The following CABLES1 variants were observed in gnomAD, a reference collection of about 807,000 sequenced individuals.
CABLES1 encodes the protein Cdk5 and Abl enzyme substrate 1.
In CABLES1, 36 loss-of-function variants were observed where a neutral mutation model predicts 57.8. The ratio of observed to expected loss-of-function variants is 0.62; its 90% CI spans 0.48 to 0.82. CABLES1 has a LOEUF of 0.82. Ranked by LOEUF, CABLES1 falls within the 40% of genes least tolerant of loss-of-function variation. The probability of loss-of-function intolerance (pLI) is 0.00; values close to 1 mark genes in which losing one functional copy is unlikely to be tolerated. For missense variants in CABLES1, 767 were observed against 836.6 expected (o/e 0.92, Z 1.03); for synonymous variants, 374 against 363.0 (o/e 1.03, Z -0.35).
upstream of CABLES1, chr18:23,135,420 A>G (rs2046810210): frequency 6.6e-6 from 1 of 152,100 alleles, no homozygotes; most frequent in Non-Finnish European, 1.5e-5. Context: ...TATTGCAAAG[A>G]GGGCTTTGGA....
At chr18:23,224,561 CTT>C (rs777471596) in intron 4 of CABLES1, among the ~76,000 whole-genome samples, 9 of 89,670 alleles carry the variant, frequency 1.0e-4, no homozygotes, top group Admixed American at 6.1e-4. Context: ...AGTCACAGAG[CTT>C]TTTTTTTTTT....
intron 1 of CABLES1, among the ~76,000 whole-genome samples, chr18:23,162,518 C>A (rs559708274): frequency 6.6e-6 from 1 of 152,288 alleles, no homozygotes; most frequent in Non-Finnish European, 1.5e-5. Flanking sequence ...AGGGTTGAAC[C>A]AAATATCCTT....
At chr18:23,249,816 T>G (rs141007584) in intron 7 of CABLES1, among the ~76,000 whole-genome samples, 2,007 of 152,100 alleles carry the variant, frequency 0.013, 36 homozygotes, top group African/African-American at 0.044. Flanking sequence ...AGAGCCCTTG[T>G]CTAGGGAGCT....
intron 4 of CABLES1, among the ~76,000 whole-genome samples, chr18:23,225,608 C>T (rs1348028706): frequency 6.6e-6 from 1 of 152,232 alleles, no homozygotes; most frequent in Non-Finnish European, 1.5e-5. Flanking sequence ...TAGCTGTAAA[C>T]ACTCTTCTCA....
At chr18:23,251,045 A>G (rs2164029) in intron 7 of CABLES1, among the ~76,000 whole-genome samples, 64,991 of 152,100 alleles carry the variant, frequency 0.43, 14,434 homozygotes, top group Admixed American at 0.54. Context: ...ACCAACTTCC[A>G]TTAGAGCTGT....
In CABLES1 at chr18:23,240,479, C is replaced by T. The variant is rs967310647; in HGVS notation, c.1446+3234C>T. ...TGAAACAGGCCCTGGCTCCAAAGAC[C>T]CTGGCTCCTTTGAGCCAGGTTGTGG... On this transcript the variant is annotated intron_variant, in intron 7 of 9. Transcript: ENST00000256925. Among the ~76,000 whole-genome samples, 4 of 152,344 alleles carry T rather than the reference C, an allele frequency of 2.6e-5. 1 individual carries two copies.
At chr18:23,158,777 G>T (rs2046982380) in intron 1 of CABLES1, among the ~76,000 whole-genome samples, 1 of 152,210 alleles carries the variant, frequency 6.6e-6, no homozygotes, top group Admixed American at 6.5e-5. Context: ...TTAAGGAACA[G>T]AAAATGAGAT....
At chr18:23,163,934 T>A (rs952112836) in intron 1 of CABLES1, among the ~76,000 whole-genome samples, 2 of 152,148 alleles carry the variant, frequency 1.3e-5, no homozygotes, top group South Asian at 2.1e-4. Context: ...GCCTATAAGG[T>A]AGGCCCTGTT....
At chr18:23,236,202 G>A in intron 6 of CABLES1, 151 bp downstream of exon 6, 1 of 821,740 alleles carries the variant, frequency 1.2e-6, no homozygotes. Context: ...AGCCATGCAG[G>A]CCCGCAATGA....
chr18:23,160,091 G>C (rs541364369), intron 1 of CABLES1, among the ~76,000 whole-genome samples: 1 of 150,020 alleles, frequency 6.7e-6, no homozygotes, highest in South Asian at 2.1e-4. Context: ...AGGTTGGAGT[G>C]CAGTGGCGCG....
intron 4 of CABLES1, among the ~76,000 whole-genome samples, chr18:23,230,744 A>G (rs1266288955): frequency 6.6e-6 from 1 of 152,146 alleles, no homozygotes; most frequent in East Asian, 1.9e-4. Flanking sequence ...ATTGAGACTC[A>G]CTTTTCACTG....
At position 23,214,004 on chromosome 18, in the gene CABLES1, C is replaced by G. The variant is rs1418587931; in HGVS notation, c.1038C>G (p.Ser346=). ...TAGTCCTTATCAGTGGCAGAAGATC[C>G]TTCTGTAGTATATTTTCAGTGCTGC... ...GRIVLISGRR[S]FCSIFSVLPY... The change falls in exon 4 of 10, where the codon TCC becomes TCG. Residue 346 remains serine (S), a synonymous_variant. Transcript: ENST00000256925. The G allele has an allele frequency of 1.2e-6, 2 of 1,612,076 alleles. No individual in the cohort carries two copies. The highest frequency in any genetic ancestry group is 4.5e-5 in the East Asian group (2 of 44,864).
At position 23,255,786 on chromosome 18, in the gene CABLES1, C is replaced by A. The variant is rs139889920; in HGVS notation, c.1762-1441C>A. Among the ~76,000 whole-genome samples the A allele has an allele frequency of 1.3e-3, 191 of 152,182 alleles. 1 individual carries two copies. The highest frequency in any genetic ancestry group is 6.8e-3 in the Middle Eastern group (2 of 294). On this transcript the variant is annotated intron_variant, in intron 9 of 9. Coordinates refer to ENST00000256925, the MANE Select transcript of CABLES1 (RefSeq NM_001100619.3). ...GTATTGCCCAGGCTAGTCTCGAACT[C>A]CTGGCCTCAAGCTATCCTTTCACCT...
chr18:23,235,908 C>G lies in CABLES1; in HGVS notation c.1199C>G (p.Thr400Ser). 6.2e-7 allele frequency: 1 copy of G among 1,614,124 alleles called. No individual in the cohort carries two copies. The highest frequency in any genetic ancestry group is 8.5e-7 in the Non-Finnish European group (1 of 1,179,980). The change falls in exon 6 of 10, where the codon ACC becomes AGC. Residue 400 changes from threonine (T) to serine (S), a missense_variant. Around this residue, in one of 4 missense-constraint regions of CABLES1, gnomAD observed 529 missense variants for 622.8 expected, o/e 0.85. Coordinates refer to ENST00000256925, the MANE Select transcript of CABLES1 (RefSeq NM_001100619.3). ...LGADGKTVSY[T>S]QFLLPTNAFG... ...TTCACCTTTTAGACTGTTTCCTATA[C>G]CCAATTTCTGTTACCCACAAATGCC... is the stretch of plus-strand genomic sequence containing the variant.
intron 7 of CABLES1, among the ~76,000 whole-genome samples, chr18:23,244,204 G>A (rs901628904): frequency 6.6e-6 from 1 of 151,970 alleles, no homozygotes; most frequent in South Asian, 2.1e-4. Flanking sequence ...TCAAGTGGAT[G>A]GAGACACTAC....
At chr18:23,188,543 T>TTGTGTGTGTGTGTGTGTGTG (rs55888102) in intron 1 of CABLES1, among the ~76,000 whole-genome samples, 1,580 of 149,046 alleles carry the variant, frequency 0.011, 17 homozygotes, top group Admixed American at 0.018. Flanking sequence ...CACCTTGTCT[T>TTGTGTGTGTGTGTGTGTGTG]TGTGTGTGTG....
intron 4 of CABLES1, among the ~76,000 whole-genome samples, chr18:23,219,688 C>A (rs2047471914): frequency 6.6e-6 from 1 of 152,112 alleles, no homozygotes; most frequent in Non-Finnish European, 1.5e-5. Flanking sequence ...AGTCTCAGAC[C>A]CCTCATCTAT....
chr18:23,222,552 CTATATATAGA>C (rs2047496252), intron 4 of CABLES1, among the ~76,000 whole-genome samples: 1 of 146,484 alleles, frequency 6.8e-6, no homozygotes, highest in Non-Finnish European at 1.5e-5. Context: ...CTATATATAT[CTATATATAGA>C]TATATATAGA....
intron 7 of CABLES1, among the ~76,000 whole-genome samples, chr18:23,246,591 C>T (rs892858164): frequency 2.0e-4 from 30 of 151,920 alleles, no homozygotes; most frequent in Middle Eastern, 3.4e-3. Flanking sequence ...TGGGGTTTCA[C>T]CGTGTTAGCC....
Sources: allele counts gnomAD v4.1 joint callset (sites outside exome capture counted in the v4.1 genomes callset), GRCh38; gene constraint gnomAD v4.1.1; regional missense constraint gnomAD v4.1.1; transcripts MANE v1.5; gene names NCBI Gene and HGNC (gene_info 2026-07-23, HGNC 2026-07-21).